TANC1: variants seen among roughly 807,000 people sequenced by gnomAD.
TANC1 encodes protein TANC1.
In TANC1, 77 loss-of-function variants were observed where a neutral mutation model predicts 149.7. That is an observed-to-expected ratio of 0.51 (90% CI 0.43 to 0.62). TANC1 has a LOEUF of 0.62. TANC1 is among the 20% of genes least tolerant of loss of function. The probability of loss-of-function intolerance (pLI) is 0.00; values close to 1 mark genes in which losing one functional copy is unlikely to be tolerated. For missense variants in TANC1, 1,985 were observed against 2,321.8 expected (o/e 0.85, Z 2.98); for synonymous variants, 854 against 925.0 (o/e 0.92, Z 1.39).
At chr2:159,036,255 C>T (rs748906178) in intron 2 of TANC1, among the ~76,000 whole-genome samples, 1 of 152,178 alleles carries the variant, frequency 6.6e-6, no homozygotes, top group Non-Finnish European at 1.5e-5. Flanking sequence ...TGCTTAGATA[C>T]TATGCCAGTG....
At chr2:159,167,741 A>G (rs1223476909) in intron 8 of TANC1, among the ~76,000 whole-genome samples, 1 of 152,158 alleles carries the variant, frequency 6.6e-6, no homozygotes, top group Admixed American at 6.5e-5. Context: ...ATATGCCAAC[A>G]CAGTCAGGCC....
At chr2:158,983,975 T>C (rs904189801) in intron 1 of TANC1, among the ~76,000 whole-genome samples, 1 of 152,230 alleles carries the variant, frequency 6.6e-6, no homozygotes, top group African/African-American at 2.4e-5. Context: ...AAGTGTTGTC[T>C]TCTGTCATCA....
intron 3 of TANC1, among the ~76,000 whole-genome samples, chr2:159,090,412 G>A (rs930931335): frequency 1.3e-5 from 2 of 152,068 alleles, no homozygotes; most frequent in Admixed American, 6.6e-5. Context: ...TGTGGCTCTC[G>A]GTCCTGGCTG....
At chr2:159,171,170 T>C (rs2055161456) in intron 10 of TANC1, among the ~76,000 whole-genome samples, 1 of 152,226 alleles carries the variant, frequency 6.6e-6, no homozygotes, top group South Asian at 2.1e-4. Flanking sequence ...TGGAGTTCTT[T>C]TGTACCCTGT....
chr2:159,138,936 ACAAAC>A (rs896519231), intron 5 of TANC1, among the ~76,000 whole-genome samples: 5 of 152,234 alleles, frequency 3.3e-5, no homozygotes, highest in African/African-American at 1.2e-4. Flanking sequence ...TCAAAGGAAA[ACAAAC>A]CAAAGAACAT....
At chr2:159,022,757 T>C (rs1256621478) in intron 2 of TANC1, among the ~76,000 whole-genome samples, 1 of 151,914 alleles carries the variant, frequency 6.6e-6, no homozygotes, top group East Asian at 1.9e-4. Flanking sequence ...ACATAAAAAA[T>C]AGAAGTGGAG....
intron 14 of TANC1, among the ~76,000 whole-genome samples, chr2:159,182,439 A>G (rs2056588309): frequency 6.6e-6 from 1 of 152,226 alleles, no homozygotes; most frequent in African/African-American, 2.4e-5. Context: ...ACATTTAGCC[A>G]TGCTCAAATT....
At chr2:158,990,556 G>A (rs1302415563) in intron 1 of TANC1, among the ~76,000 whole-genome samples, 3 of 152,192 alleles carry the variant, frequency 2.0e-5, no homozygotes, top group South Asian at 2.1e-4. Context: ...TTATGCCTAA[G>A]CCCTGTCTTG....
At chr2:159,080,613 A>G (rs1199421892) in intron 3 of TANC1, among the ~76,000 whole-genome samples, 2 of 152,210 alleles carry the variant, frequency 1.3e-5, no homozygotes, top group African/African-American at 4.8e-5. Context: ...AAAGTTGGAA[A>G]AAGAATAGCT....
chr2:159,227,841 CCCAGAGGTA>C lies in TANC1; in HGVS notation c.3931_3939del (p.Arg1311_Gln1313del). On this transcript the variant is annotated inframe_deletion, in exon 25 of 27. Transcript: ENST00000263635. ...TAGAAAGGGAAAATGAAAGAGGCAG[CCCAGAGGTA>C]CCAGTATGCCTTAAGAAAGTTTCCT... 2.5e-6 allele frequency: 4 copies of C among 1,614,036 alleles called. No individual in the cohort carries two copies. Among genetic ancestry groups the C allele is most frequent in the Non-Finnish European group, 3.4e-6 (4 of 1,179,992 alleles).
intron 16 of TANC1, among the ~76,000 whole-genome samples, chr2:159,192,452 A>G (rs148795454): frequency 5.5e-4 from 84 of 152,094 alleles, no homozygotes; most frequent in African/African-American, 1.9e-3. Flanking sequence ...CCCAGCCACA[A>G]TTATTACTTC....
At chr2:159,206,062 G>A (rs1575250562) in intron 19 of TANC1, among the ~76,000 whole-genome samples, 1 of 143,570 alleles carries the variant, frequency 7.0e-6, no homozygotes, top group Admixed American at 6.7e-5. Flanking sequence ...TAGTGGGCAT[G>A]GAAGTCCAGA....
intron 1 of TANC1, among the ~76,000 whole-genome samples, chr2:159,000,671 A>C (rs2036544337): frequency 6.6e-6 from 1 of 151,868 alleles, no homozygotes. Context: ...GGGAATGAAG[A>C]AGGGGACATA....
Position 159,230,673 on chromosome 2 carries a change from A to G in TANC1, c.5247A>G (p.Pro1749=). ...GCCGCAGCTGGCACTGTCCGGCACC[A>G]GAGGGGCTGCTGACAAACACGTCTT... ...PPSRSWHCPA[P]EGLLTNTSSA... is the part of the protein sequence containing the mutation. The change falls in exon 27 of 27, where the codon CCA becomes CCG. Residue 1749 remains proline, a synonymous_variant. Coordinates refer to ENST00000263635, the MANE Select transcript of TANC1 (RefSeq NM_033394.3). This position sits in a 1 kb window ranked among gnomAD's most constrained non-coding sequence, Gnocchi z 4.4. 2 of 1,614,230 alleles carry G rather than the reference A, an allele frequency of 1.2e-6. No individual in the cohort carries two copies.
At chr2:159,179,243 G>A (rs576338704) in intron 14 of TANC1, 80 bp downstream of exon 14, 1 of 1,506,174 alleles carries the variant, frequency 6.6e-7, no homozygotes, top group South Asian at 1.3e-5. Flanking sequence ...TGATGCACGT[G>A]TCTCAATGGA....
chr2:159,091,687 G>A (rs556139657), intron 3 of TANC1, among the ~76,000 whole-genome samples: 1 of 152,270 alleles, frequency 6.6e-6, no homozygotes, highest in African/African-American at 2.4e-5. Flanking sequence ...TGAAGACAAG[G>A]ATATGCTGTC....
In TANC1 at chr2:159,097,620, T is replaced by C; in HGVS notation, c.62-17T>C. On this transcript the variant is annotated splice_polypyrimidine_tract_variant and intron_variant, in intron 3 of 26. Coordinates refer to ENST00000263635, the MANE Select transcript of TANC1 (RefSeq NM_033394.3). ...ATGAATGGATGGTTTAACCTAAGTA[T>C]TCTCTCTCTACTCTAGGAAGTGACT... 6.3e-7 allele frequency: 1 copy of C among 1,596,914 alleles called. No individual in the cohort carries two copies. The highest frequency in any genetic ancestry group is 8.6e-7 in the Non-Finnish European group (1 of 1,164,648).
chr2:159,012,049 C>T (rs1426408156), intron 2 of TANC1, among the ~76,000 whole-genome samples: 1 of 152,140 alleles, frequency 6.6e-6, no homozygotes, highest in Non-Finnish European at 1.5e-5. Flanking sequence ...AAGAGGAGCC[C>T]AGATGGTAAG....
intron 1 of TANC1, among the ~76,000 whole-genome samples, chr2:158,972,710 T>C (rs1453058524): frequency 7.9e-5 from 12 of 152,202 alleles, no homozygotes; most frequent in Non-Finnish European, 8.8e-5. Flanking sequence ...GGTTTAAACC[T>C]CAATAAGAAG....
Sources: gnomAD v4.1 joint callset for allele counts (sites outside exome capture counted in the v4.1 genomes callset) on GRCh38, gnomAD v4.1.1 for gene constraint, Gnocchi (gnomAD v3.1) non-coding constraint, MANE v1.5 for transcripts, NCBI Gene and HGNC (gene_info 2026-07-23, HGNC 2026-07-21) for gene names.